DLGAP4: variants seen among roughly 807,000 people sequenced by gnomAD.
DLGAP4 encodes the protein DLG associated protein 4, also known as disks large-associated protein 4.
Under a neutral mutation model 86.9 loss-of-function variants are expected in DLGAP4, and 18 were observed. The observed-to-expected ratio is 0.21, with a 90% CI of 0.14 to 0.31. The LOEUF is 0.31. DLGAP4 is among the 10% of genes least tolerant of loss of function. DLGAP4 has a pLI of 1.00. For synonymous variants in DLGAP4, 548 were observed against 574.3 expected (o/e 0.95, Z 0.65); for missense variants, 1,085 against 1,362.6 (o/e 0.80, Z 3.21).
Position 36,453,061 on chromosome 20 carries a change from G to A in DLGAP4, c.1648+6124G>A, listed in dbSNP as rs6020035. Among the ~76,000 whole-genome samples the A allele has an allele frequency of 1.1e-3, 169 of 152,102 alleles. 2 individuals carry two copies. Among genetic ancestry groups the A allele is most frequent in the African/African-American group, 3.9e-3 (163 of 41,490 alleles). ...TTGGCCAGGCTGGTCTCAAACTCCTGACCTCAAGTGATATGCCTGCCCTGG... is the reference window on the plus strand; with the variant it reads ...TTGGCCAGGCTGGTCTCAAACTCCTAACCTCAAGTGATATGCCTGCCCTGG... On this transcript the variant is annotated intron_variant, in intron 7 of 12. Coordinates refer to ENST00000339266, the MANE Select transcript of DLGAP4 (RefSeq NM_001365621.2).
At chr20:36,343,740 TCTC>T (rs2065408328) in intron 1 of DLGAP4, among the ~76,000 whole-genome samples, 1 of 152,142 alleles carries the variant, frequency 6.6e-6, no homozygotes, top group Non-Finnish European at 1.5e-5. Context: ...GTCTGGGCCT[TCTC>T]CTTGCTGGGA....
At chr20:36,397,359 T>C (rs4812795) in intron 2 of DLGAP4, among the ~76,000 whole-genome samples, 94,324 of 152,034 alleles carry the variant, frequency 0.62, 29,683 homozygotes, top group South Asian at 0.82. Context: ...ATCCAGAGCA[T>C]GCATTCAACT....
At chr20:36,376,275 C>T (rs939642194) in intron 2 of DLGAP4, among the ~76,000 whole-genome samples, 2 of 152,030 alleles carry the variant, frequency 1.3e-5, no homozygotes, top group African/African-American at 4.8e-5. Flanking sequence ...GTCAGTAGTT[C>T]AGTGGCCAAC....
intron 1 of DLGAP4, among the ~76,000 whole-genome samples, chr20:36,319,292 AC>A (rs1430201765): frequency 1.1e-4 from 16 of 152,090 alleles, no homozygotes; most frequent in African/African-American, 3.4e-4. Flanking sequence ...GGTCACAGAA[AC>A]CTCTCTCAGC....
chr20:36,466,909 C>T (rs1016708649), intron 7 of DLGAP4, among the ~76,000 whole-genome samples: 4 of 147,932 alleles, frequency 2.7e-5, no homozygotes, highest in South Asian at 2.2e-4. Flanking sequence ...GTGGTCAAAG[C>T]GAGTCTCTCG....
At chr20:36,351,655 C>A (rs563517644) in intron 1 of DLGAP4, among the ~76,000 whole-genome samples, 2 of 152,214 alleles carry the variant, frequency 1.3e-5, no homozygotes, top group African/African-American at 4.8e-5. Context: ...ATCCGGAAAC[C>A]AGCCCCCCTC....
chr20:36,339,539 C>T (rs1284514381), intron 1 of DLGAP4, among the ~76,000 whole-genome samples: 1 of 152,204 alleles, frequency 6.6e-6, no homozygotes, highest in African/African-American at 2.4e-5. Flanking sequence ...AGCCACCACC[C>T]CTGGCTAATG....
chr20:36,523,506 C>G (rs779919382), intron 10 of DLGAP4, among the ~76,000 whole-genome samples: 30 of 152,160 alleles, frequency 2.0e-4, no homozygotes, highest in Non-Finnish European at 4.0e-4. Context: ...CCAGTTGCAT[C>G]ATTTTCCATG....
chr20:36,483,137 A>G (rs1190052863), intron 7 of DLGAP4, among the ~76,000 whole-genome samples: 1 of 152,228 alleles, frequency 6.6e-6, no homozygotes, highest in Non-Finnish European at 1.5e-5. Context: ...CAGACTCTGC[A>G]GGTGGGTCTC....
intron 2 of DLGAP4, among the ~76,000 whole-genome samples, chr20:36,383,400 G>T (rs1292501770): frequency 6.6e-6 from 1 of 152,128 alleles, no homozygotes; most frequent in Non-Finnish European, 1.5e-5. Context: ...CTTGAGAACA[G>T]GGCAACAAGC....
At position 36,525,926 on chromosome 20, in the gene DLGAP4, G is replaced by C. The variant is rs1644176547; in HGVS notation, c.2680G>C (p.Asp894His). 1 of 1,613,938 alleles carries C rather than the reference G, an allele frequency of 6.2e-7. No homozygotes were observed. Among genetic ancestry groups the C allele is most frequent in the African/African-American group, 1.3e-5 (1 of 74,986 alleles). Residue 894 changes from aspartate to histidine, a missense_variant, in exon 12 of 13, where the codon GAT becomes CAT. Transcript: ENST00000339266. ...GGACCTGCTACAGCTGTCCATCGAG[G>C]ATATCAGCATGAAGTTCGATGAACT... ...FWDLLQLSIE[D>H]ISMKFDELYH...
At chr20:36,462,061 A>G (rs1014978382) in intron 7 of DLGAP4, 14 of 987,546 alleles carry the variant, frequency 1.4e-5, no homozygotes, top group Non-Finnish European at 1.7e-5. Context: ...TTTCTTGCAC[A>G]TCCTTTGGGG....
At chr20:36,364,309 G>A (rs1555894455) in intron 1 of DLGAP4, among the ~76,000 whole-genome samples, 2 of 152,136 alleles carry the variant, frequency 1.3e-5, no homozygotes, top group African/African-American at 4.8e-5. Context: ...TACTTTTGAG[G>A]CTGAGGCAGG....
chr20:36,426,719 A>C (rs2032983735), intron 2 of DLGAP4, among the ~76,000 whole-genome samples: 1 of 152,178 alleles, frequency 6.6e-6, no homozygotes, highest in Non-Finnish European at 1.5e-5. Context: ...TAAAATGGCA[A>C]ATTTTATGTT....
intron 7 of DLGAP4, among the ~76,000 whole-genome samples, chr20:36,479,666 A>G (rs553959258): frequency 7.9e-5 from 12 of 152,222 alleles, no homozygotes; most frequent in South Asian, 2.1e-4. Flanking sequence ...GAAGCTGAGC[A>G]TGGTGTGTTG....
chr20:36,452,499 C>T (rs1248337818), intron 7 of DLGAP4, among the ~76,000 whole-genome samples: 3 of 150,710 alleles, frequency 2.0e-5, no homozygotes, highest in African/African-American at 7.3e-5. Context: ...CTTTTGAGTT[C>T]CTCCTTTTCT....
intron 1 of DLGAP4, among the ~76,000 whole-genome samples, chr20:36,327,816 C>T (rs1413649876): frequency 6.8e-6 from 1 of 147,614 alleles, no homozygotes; most frequent in Admixed American, 6.7e-5. Flanking sequence ...TGGTCTCGAT[C>T]TCCTGACCTC....
chr20:36,310,186 AAG>A (rs2065040830), intron 1 of DLGAP4, among the ~76,000 whole-genome samples: 7 of 4,868 alleles, frequency 1.4e-3, no homozygotes, highest in African/African-American at 1.7e-3. Context: ...AAAAAAAAGA[AAG>A]AAAGAAAGAA....
chr20:36,502,222 A>C (rs924439927), intron 10 of DLGAP4, among the ~76,000 whole-genome samples: 1 of 152,158 alleles, frequency 6.6e-6, no homozygotes, highest in Non-Finnish European at 1.5e-5. Flanking sequence ...TGAGTATGTA[A>C]ATATTGTTTA....
Sources: gnomAD v4.1 joint callset for allele counts (sites outside exome capture counted in the v4.1 genomes callset) on GRCh38, gnomAD v4.1.1 for gene constraint, MANE v1.5 for transcripts, NCBI Gene and HGNC (gene_info 2026-07-23, HGNC 2026-07-21) for gene names.